The following PLXDC2 variants were observed in gnomAD, a reference collection of about 807,000 sequenced individuals.
The protein encoded by PLXDC2 is plexin domain-containing protein 2.
Under a neutral mutation model 68.9 loss-of-function variants are expected in PLXDC2, and 40 were observed. The observed-to-expected ratio is 0.58, with a 90% CI of 0.45 to 0.76. The LOEUF (loss-of-function observed/expected upper bound fraction) is 0.76, where lower values mean the gene tolerates loss of function less well. PLXDC2 is among the 30% of genes least tolerant of loss of function. The pLI, the probability that PLXDC2 is intolerant of heterozygous loss-of-function variation, is 0.00. For synonymous variants in PLXDC2, 243 were observed against 234.2 expected (o/e 1.04, Z -0.34); for missense variants, 644 against 661.9 (o/e 0.97, Z 0.30).
chr10:19,877,272 A>G (rs1837649325), intron 1 of PLXDC2, among the ~76,000 whole-genome samples: 1 of 152,150 alleles, frequency 6.6e-6, no homozygotes, highest in Admixed American at 6.5e-5. Context: ...AGAGAATTAG[A>G]TGATATAACT....
rs1159394286 is a variant in PLXDC2, at chr10:19,817,074, G to A, written c.-6G>A. The A allele has an allele frequency of 6.5e-7, 1 of 1,544,368 alleles. No homozygotes were observed. The highest frequency in any genetic ancestry group is 1.2e-5 in the South Asian group (1 of 83,874). ...GCGGGTGGGGTAGGGAGGTGGCGGCGGCGGCATGGCGAGGTTCCCGAAGGC... is the reference window on the plus strand; with the variant it reads ...GCGGGTGGGGTAGGGAGGTGGCGGCAGCGGCATGGCGAGGTTCCCGAAGGC... On this transcript the variant is annotated 5_prime_UTR_variant, in exon 1 of 14. Coordinates refer to ENST00000377252, the MANE Select transcript of PLXDC2 (RefSeq NM_032812.9).
chr10:20,200,234 T>C (rs1400927938), intron 9 of PLXDC2, among the ~76,000 whole-genome samples: 1 of 151,936 alleles, frequency 6.6e-6, no homozygotes, highest in East Asian at 1.9e-4. Context: ...ATGTTTGCTT[T>C]AACAAAAAGA....
intron 2 of PLXDC2, among the ~76,000 whole-genome samples, chr10:20,012,297 C>G (rs1382263425): frequency 7.9e-6 from 1 of 126,916 alleles, no homozygotes; most frequent in Non-Finnish European, 1.6e-5. Context: ...CTCTCTCTCT[C>G]TCTCTCTTTT....
intron 3 of PLXDC2, among the ~76,000 whole-genome samples, chr10:20,055,798 C>T (rs1025298756): frequency 6.6e-6 from 1 of 152,040 alleles, no homozygotes; most frequent in African/African-American, 2.4e-5. Flanking sequence ...ATATACTGGA[C>T]ATAATGTAAT....
chr10:19,958,740 A>G (rs1834109834), intron 1 of PLXDC2, among the ~76,000 whole-genome samples: 1 of 152,200 alleles, frequency 6.6e-6, no homozygotes, highest in South Asian at 2.1e-4. Context: ...TAAATTAGGT[A>G]TAAGGAAGGT....
chr10:20,059,925 ACATATATGCCTTTC>A (rs1836069975), intron 3 of PLXDC2, among the ~76,000 whole-genome samples: 1 of 152,192 alleles, frequency 6.6e-6, no homozygotes. Context: ...GCTCTTATTC[ACATATATGCCTTTC>A]CATATTTTAT....
chr10:20,276,653 G>A (rs1304043247), intron 13 of PLXDC2, among the ~76,000 whole-genome samples: 1 of 152,134 alleles, frequency 6.6e-6, no homozygotes, highest in Non-Finnish European at 1.5e-5. Context: ...ATCCTGCCCT[G>A]TTAGCGAGTG....
At chr10:19,822,887 C>T (rs747035073) in intron 1 of PLXDC2, among the ~76,000 whole-genome samples, 2 of 152,000 alleles carry the variant, frequency 1.3e-5, no homozygotes, top group African/African-American at 2.4e-5. Context: ...CCACTATTTT[C>T]CTATACTGCT....
chr10:20,201,757 TA>T (rs1834922756), intron 9 of PLXDC2, among the ~76,000 whole-genome samples: 1 of 152,094 alleles, frequency 6.6e-6, no homozygotes, highest in East Asian at 1.9e-4. Context: ...AATTGTCATA[TA>T]TCAATTAAAA....
chr10:20,201,412 G>A lies in PLXDC2; in HGVS notation c.1062-10257G>A, dbSNP rs368421003. ...GGCTGGGAAGAGTAGGTGAAAGAGG[G>A]AGAAAGGGAGAGATTTGTTAAAGGA... On this transcript the variant is annotated intron_variant, in intron 9 of 13. Coordinates refer to ENST00000377252, the MANE Select transcript of PLXDC2 (RefSeq NM_032812.9). 1.5e-4 allele frequency among the ~76,000 whole-genome samples: 23 copies of A among 152,124 alleles called. No homozygotes were observed. The South Asian group carries it at 4.8e-3, about 32-fold the overall frequency.
At chr10:20,203,039 C>A (rs1301321813) in intron 9 of PLXDC2, among the ~76,000 whole-genome samples, 1 of 152,108 alleles carries the variant, frequency 6.6e-6, no homozygotes, top group Non-Finnish European at 1.5e-5. Context: ...GAAGATTCAC[C>A]TATTTCCAGA....
chr10:20,117,718 T>C (rs1833640057), intron 4 of PLXDC2, among the ~76,000 whole-genome samples: 1 of 152,224 alleles, frequency 6.6e-6, no homozygotes, highest in Non-Finnish European at 1.5e-5. Flanking sequence ...AGGGCTTCTT[T>C]CAGTCTCTCC....
At chr10:19,890,569 G>C (rs1837938904) in intron 1 of PLXDC2, among the ~76,000 whole-genome samples, 1 of 148,094 alleles carries the variant, frequency 6.8e-6, no homozygotes, top group African/African-American at 2.5e-5. Flanking sequence ...CAGAGACAGG[G>C]TTTCACCGCG....
intron 9 of PLXDC2, among the ~76,000 whole-genome samples, chr10:20,203,726 A>G (rs893558585): frequency 6.6e-6 from 1 of 152,144 alleles, no homozygotes; most frequent in Non-Finnish European, 1.5e-5. Context: ...CTAGAAAACT[A>G]GAGGAAAGAT....
chr10:19,980,470 G>C (rs1834534557), intron 1 of PLXDC2, among the ~76,000 whole-genome samples: 1 of 152,154 alleles, frequency 6.6e-6, no homozygotes, highest in Admixed American at 6.5e-5. Context: ...AAGGCAACAA[G>C]TCCATTATCA....
In PLXDC2 at chr10:20,001,909, G is replaced by A. The variant is rs772480765; in HGVS notation, c.247G>A (p.Gly83Ser). 39 of 1,613,368 alleles carry A rather than the reference G, an allele frequency of 2.4e-5. No homozygotes were observed. The highest frequency in any genetic ancestry group is 3.2e-5 in the Non-Finnish European group (38 of 1,179,972). The change falls in exon 2 of 14, where the codon GGC (glycine) becomes AGC (serine). Residue 83 changes from glycine (G) to serine (S), a missense_variant. By Grantham distance (56) the Gly-to-Ser change is moderately conservative. Transcript: ENST00000377252. The stretch of plus-strand genomic sequence containing the variant: ...GGTAGACACGAACCGAGCAAGCGTC[G>A]GCCAAGACTCTCCTGAGCCCAGAAG... ...KAVDTNRASV[G>S]QDSPEPRSFT...
chr10:20,116,346 G>A (rs1424059198), intron 4 of PLXDC2, among the ~76,000 whole-genome samples: 1 of 152,202 alleles, frequency 6.6e-6, no homozygotes, highest in African/African-American at 2.4e-5. Flanking sequence ...AAGAGGAGAT[G>A]TAGTGTTGTT....
chr10:20,149,229 C>CTTTTTTTTTTT (rs71200986), intron 6 of PLXDC2, among the ~76,000 whole-genome samples: 13 of 34,936 alleles, frequency 3.7e-4, no homozygotes, highest in Non-Finnish European at 4.3e-4. Context: ...TTTTTCTTTT[C>CTTTTTTTTTTT]TTTTTTTTTT....
At chr10:20,135,053 T>A (rs1833916958) in intron 4 of PLXDC2, among the ~76,000 whole-genome samples, 1 of 152,200 alleles carries the variant, frequency 6.6e-6, no homozygotes, top group South Asian at 2.1e-4. Flanking sequence ...TCCACTTAGG[T>A]GCTATAATCT....
Sources: allele counts gnomAD v4.1 joint callset (sites outside exome capture counted in the v4.1 genomes callset), GRCh38; gene constraint gnomAD v4.1.1; transcripts MANE v1.5; gene names NCBI Gene and HGNC (gene_info 2026-07-23, HGNC 2026-07-21).